The following RBFOX1 variants were observed in gnomAD, a reference collection of about 807,000 sequenced individuals.
RBFOX1 encodes the protein RNA binding protein fox-1 homolog 1.
RBFOX1 carries 8 observed loss-of-function variants against 57.7 expected under a neutral mutation model. That is an observed-to-expected ratio of 0.14 (90% CI 0.08 to 0.25). The LOEUF (loss-of-function observed/expected upper bound fraction) is 0.25. Ranked by LOEUF, RBFOX1 falls within the 10% of genes least tolerant of loss-of-function variation. The pLI is 1.00. For synonymous variants in RBFOX1, 326 were observed against 222.4 expected (o/e 1.47, Z -4.15); for missense variants, 611 against 548.5 (o/e 1.11, Z -1.14).
intron 3 of RBFOX1, among the ~76,000 whole-genome samples, chr16:6,849,329 G>C (rs117043892): frequency 1.3e-5 from 2 of 152,174 alleles, no homozygotes; most frequent in Non-Finnish European, 2.9e-5. Context: ...AAGAGAAATA[G>C]ATTATGACAA....
At chr16:5,710,702 A>G (rs2051452820) in intron 3 of RBFOX1, among the ~76,000 whole-genome samples, 1 of 152,200 alleles carries the variant, frequency 6.6e-6, no homozygotes, top group African/African-American at 2.4e-5. Flanking sequence ...ATTGTCTCAG[A>G]CATGATCACT....
chr16:5,317,401 G>T (rs955151391), intron 1 of RBFOX1, among the ~76,000 whole-genome samples: 8 of 152,116 alleles, frequency 5.3e-5, no homozygotes, highest in African/African-American at 1.9e-4. Context: ...TTGAGGCCAG[G>T]GGTTCAAGCC....
intron 2 of RBFOX1, among the ~76,000 whole-genome samples, chr16:6,587,483 T>G (rs1046253934): frequency 1.3e-5 from 2 of 152,124 alleles, no homozygotes; most frequent in African/African-American, 4.8e-5. Flanking sequence ...GGTTTCACCT[T>G]GTTGGCCAGG....
intron 4 of RBFOX1, among the ~76,000 whole-genome samples, chr16:7,196,882 G>C (rs566837505): frequency 6.6e-6 from 1 of 152,200 alleles, no homozygotes. Flanking sequence ...CTGAGCCAAA[G>C]GTAAATATGC....
At chr16:6,683,645 A>G (rs1218988491) in intron 3 of RBFOX1, among the ~76,000 whole-genome samples, 1 of 152,200 alleles carries the variant, frequency 6.6e-6, no homozygotes, top group African/African-American at 2.4e-5. Context: ...CATAGACCAA[A>G]TGGCTCATAC....
chr16:5,954,642 A>C (rs567455589), intron 4 of RBFOX1, among the ~76,000 whole-genome samples: 2 of 152,026 alleles, frequency 1.3e-5, no homozygotes, highest in South Asian at 4.2e-4. Flanking sequence ...TGTAATGAGG[A>C]CTCATAAGTT....
chr16:5,784,132 A>T (rs1206952379), intron 3 of RBFOX1, among the ~76,000 whole-genome samples: 1 of 152,112 alleles, frequency 6.6e-6, no homozygotes, highest in African/African-American at 2.4e-5. Flanking sequence ...GGTGAAGAGG[A>T]AGCAGGCAGC....
intron 1 of RBFOX1, among the ~76,000 whole-genome samples, chr16:6,079,981 G>T (rs528072618): frequency 6.6e-6 from 1 of 152,200 alleles, no homozygotes; most frequent in Non-Finnish European, 1.5e-5. Context: ...TAAACCATTT[G>T]TGATTGAGGC....
chr16:7,405,674 A>G (rs796927011), intron 4 of RBFOX1, among the ~76,000 whole-genome samples: 7 of 152,328 alleles, frequency 4.6e-5, no homozygotes, highest in African/African-American at 1.7e-4. Context: ...TCCAGGCTGC[A>G]ACTCAGGTCC....
At chr16:7,577,076 C>T (rs767063721) in intron 5 of RBFOX1, among the ~76,000 whole-genome samples, 1 of 152,212 alleles carries the variant, frequency 6.6e-6, no homozygotes, top group Non-Finnish European at 1.5e-5. Context: ...CAGTGTTGCT[C>T]TTCGACTATC....
intron 1 of RBFOX1, among the ~76,000 whole-genome samples, chr16:6,080,729 A>G (rs889130695): frequency 3.3e-5 from 5 of 152,232 alleles, no homozygotes; most frequent in African/African-American, 1.2e-4. Context: ...GAGAAATACT[A>G]TTAAAAGAAT....
At chr16:7,708,657 T>G (rs1391027705) in intron 14 of RBFOX1, among the ~76,000 whole-genome samples, 1 of 152,186 alleles carries the variant, frequency 6.6e-6, no homozygotes, top group African/African-American at 2.4e-5. Flanking sequence ...GACAGCTGAA[T>G]CAGGAGAAAA....
At chr16:5,991,645 G>GTTTT (rs60004233) in intron 4 of RBFOX1, among the ~76,000 whole-genome samples, 1 of 123,932 alleles carries the variant, frequency 8.1e-6, no homozygotes, top group Non-Finnish European at 1.8e-5. Flanking sequence ...TTATTAGATA[G>GTTTT]TTTTTTTTTT....
chr16:6,292,251 T>C (rs2077546080), intron 1 of RBFOX1, among the ~76,000 whole-genome samples: 1 of 152,016 alleles, frequency 6.6e-6, no homozygotes, highest in Admixed American at 6.6e-5. Flanking sequence ...GAAAGTGAGA[T>C]GCCATCTCTA....
chr16:7,406,190 A>T (rs1461049666), intron 4 of RBFOX1, among the ~76,000 whole-genome samples: 1 of 152,208 alleles, frequency 6.6e-6, no homozygotes, highest in Non-Finnish European at 1.5e-5. Context: ...CTAGATCATG[A>T]CACCTAAACA....
At chr16:7,283,972 G>A (rs529667764) in intron 4 of RBFOX1, among the ~76,000 whole-genome samples, 4 of 152,326 alleles carry the variant, frequency 2.6e-5, no homozygotes, top group South Asian at 4.1e-4. Flanking sequence ...CCTGGGAATT[G>A]GCAGTCTCTT....
chr16:7,347,727 C>T (rs1046060800), intron 4 of RBFOX1, among the ~76,000 whole-genome samples: 2 of 152,180 alleles, frequency 1.3e-5, no homozygotes, highest in Non-Finnish European at 2.9e-5. Context: ...CTGATGGACC[C>T]AACCTATCGT....
rs148698396 is a variant in RBFOX1 at position 7,536,319 on chromosome 16, C to A, written c.270+17930C>A. ...TTTAACATGAAAATTAGAGGCTGGG[C>A]GCGGTGGCTCATGCCTGTATTCCCA... On this transcript the variant is annotated intron_variant, in intron 5 of 15. Transcript: ENST00000550418. 3.3e-4 allele frequency among the ~76,000 whole-genome samples: 50 copies of A among 152,172 alleles called. 1 individual carries two copies. Among genetic ancestry groups the A allele is most frequent in the Admixed American group, 1.1e-3 (17 of 15,274 alleles).
At chr16:5,667,233 C>T (rs1056750774) in intron 3 of RBFOX1, among the ~76,000 whole-genome samples, 44 of 152,020 alleles carry the variant, frequency 2.9e-4, no homozygotes, top group African/African-American at 1.0e-3. Context: ...TTATTTCATT[C>T]TCCACTCTCT....
Sources: allele counts gnomAD v4.1 joint callset (sites outside exome capture counted in the v4.1 genomes callset), GRCh38; gene constraint gnomAD v4.1.1; transcripts MANE v1.5; gene names NCBI Gene and HGNC (gene_info 2026-07-23, HGNC 2026-07-21).